The following RNF220 variants were observed in gnomAD, a reference collection of about 807,000 sequenced individuals.
The protein encoded by RNF220 is E3 ubiquitin-protein ligase RNF220.
RNF220 carries 7 observed loss-of-function variants against 67.1 expected under a neutral mutation model. The ratio of observed to expected loss-of-function variants is 0.10; its 90% CI spans 0.06 to 0.20. The LOEUF is 0.20. Ranked by LOEUF, RNF220 falls within the 10% of genes least tolerant of loss-of-function variation. The pLI is 1.00. For synonymous variants in RNF220, 270 were observed against 283.2 expected (o/e 0.95, Z 0.47); for missense variants, 565 against 740.3 (o/e 0.76, Z 2.75).
intron 8 of RNF220, among the ~76,000 whole-genome samples, chr1:44,640,440 C>A (rs1054769001): frequency 3.3e-5 from 5 of 152,206 alleles, no homozygotes; most frequent in Admixed American, 3.3e-4. Context: ...GAGCAAGGCA[C>A]CTTCTGTCCC....
intron 2 of RNF220, among the ~76,000 whole-genome samples, chr1:44,484,380 C>T (rs765409632): frequency 1.3e-5 from 2 of 152,084 alleles, no homozygotes; most frequent in African/African-American, 2.4e-5. Flanking sequence ...GGAATGCAGT[C>T]GAGCTGTGTG....
intron 2 of RNF220, among the ~76,000 whole-genome samples, chr1:44,571,630 G>C (rs116799085): frequency 6.6e-6 from 1 of 152,306 alleles, no homozygotes; most frequent in Non-Finnish European, 1.5e-5. Flanking sequence ...TGTTCTATCA[G>C]GGTGATCTCA....
At chr1:44,504,590 G>A (rs4316395) in intron 2 of RNF220, among the ~76,000 whole-genome samples, 2 of 152,086 alleles carry the variant, frequency 1.3e-5, no homozygotes, top group African/African-American at 4.8e-5. Context: ...GGGTGGGCGG[G>A]TATAATGAAA....
intron 2 of RNF220, among the ~76,000 whole-genome samples, chr1:44,431,975 T>C (rs1197284924): frequency 6.6e-6 from 1 of 152,258 alleles, no homozygotes; most frequent in Non-Finnish European, 1.5e-5. Context: ...CTGCTCCCAG[T>C]TGGCCCTGGC....
intron 2 of RNF220, among the ~76,000 whole-genome samples, chr1:44,610,594 G>A (rs1482168108): frequency 6.6e-6 from 1 of 152,200 alleles, no homozygotes; most frequent in Admixed American, 6.5e-5. Flanking sequence ...GCTTTTGGGG[G>A]TTGGGGAGTG....
intron 5 of RNF220, 75 bp from the exon 6 acceptor site, chr1:44,632,268 G>A: frequency 6.2e-7 from 1 of 1,613,818 alleles, no homozygotes; most frequent in Non-Finnish European, 8.5e-7. Flanking sequence ...CCGGTGCTGG[G>A]GCGGGGGCCA....
chr1:44,524,262 C>G (rs1365977058), intron 2 of RNF220, among the ~76,000 whole-genome samples: 2 of 152,144 alleles, frequency 1.3e-5, no homozygotes, highest in Non-Finnish European at 2.9e-5. Context: ...CCGCCACCGC[C>G]TCTGCTGGCC....
chr1:44,509,130 G>C (rs925648459), intron 2 of RNF220, among the ~76,000 whole-genome samples: 1 of 152,116 alleles, frequency 6.6e-6, no homozygotes, highest in Non-Finnish European at 1.5e-5. Flanking sequence ...TCCCATTTAC[G>C]GGTGTGAAAA....
intron 2 of RNF220, among the ~76,000 whole-genome samples, chr1:44,485,760 G>A (rs999328390): frequency 6.6e-6 from 1 of 152,198 alleles, no homozygotes; most frequent in Non-Finnish European, 1.5e-5. Flanking sequence ...GTGAGCGACA[G>A]GTTTAGGGCC....
chr1:44,579,923 G>A (rs1665110117), intron 2 of RNF220, among the ~76,000 whole-genome samples: 1 of 151,144 alleles, frequency 6.6e-6, no homozygotes, highest in South Asian at 2.1e-4. Flanking sequence ...CCCAGCTACT[G>A]GGAGGCTAAG....
In RNF220 at chr1:44,565,074, C is replaced by T. The variant is rs1663893956; in HGVS notation, c.626-49091C>T. 6.6e-6 allele frequency among the ~76,000 whole-genome samples: 1 copy of T among 152,182 alleles called. No homozygotes were observed. On this transcript the variant is annotated intron_variant, in intron 2 of 14. Transcript: ENST00000361799. This position sits in a 1 kb window ranked among gnomAD's most constrained non-coding sequence, Gnocchi z 4.2. ...TGGCCTGAATCAACTCCATCCCCTG[C>T]GCATAGCATGGGCCTGGCCTTAGGA... is the stretch of plus-strand genomic sequence containing the variant.
At chr1:44,633,485 A>G (rs906485646) in intron 6 of RNF220, among the ~76,000 whole-genome samples, 2 of 152,194 alleles carry the variant, frequency 1.3e-5, no homozygotes, top group Non-Finnish European at 2.9e-5. Context: ...TGGTAAGCTT[A>G]ATTCAGGATT....
intron 5 of RNF220, 199 bp from the exon 6 acceptor site, chr1:44,632,144 G>A: frequency 3.9e-6 from 6 of 1,537,528 alleles, no homozygotes; most frequent in Non-Finnish European, 5.3e-6. Context: ...TTAGAGCAGC[G>A]CCCGGCGGCT....
At chr1:44,573,609 T>G (rs1284167128) in intron 2 of RNF220, among the ~76,000 whole-genome samples, 2 of 152,202 alleles carry the variant, frequency 1.3e-5, no homozygotes, top group Non-Finnish European at 2.9e-5. Context: ...CACTGACAGT[T>G]GGATATAGGG....
rs886634475 is a variant in RNF220, at chr1:44,600,198, T to C, written c.626-13967T>C. ...GAGGGCAGGTCTAGAGGAAGGTAAG[T>C]CCCATCTCAGACATGTTGAGCTTAA... On this transcript the variant is annotated intron_variant, in intron 2 of 14. Transcript: ENST00000361799. This position sits in a 1 kb window ranked among gnomAD's most constrained non-coding sequence, Gnocchi z 4.0. 1.3e-5 allele frequency among the ~76,000 whole-genome samples: 2 copies of C among 152,070 alleles called. No individual in the cohort carries two copies. Among genetic ancestry groups the C allele is most frequent in the Admixed American group, 1.3e-4 (2 of 15,268 alleles).
chr1:44,618,668 C>T (rs952860586), intron 3 of RNF220, among the ~76,000 whole-genome samples: 1 of 152,078 alleles, frequency 6.6e-6, no homozygotes, highest in Non-Finnish European at 1.5e-5. Context: ...CATTCATGAG[C>T]CAGGGTGAAG....
rs1175239087 is a variant in RNF220, at chr1:44,649,593, G to A, written c.1446-68G>A. ...ATGTATTTGGTTCTGGAATTCAAGGGAGGCGTAGGCTGGAGGTACAGATGA... is the reference window on the plus strand; with the variant it reads ...ATGTATTTGGTTCTGGAATTCAAGGAAGGCGTAGGCTGGAGGTACAGATGA... On this transcript the variant is annotated intron_variant, in intron 12 of 14. Transcript: ENST00000361799. This position sits in a 1 kb window ranked among gnomAD's most constrained non-coding sequence, Gnocchi z 5.9. The A allele has an allele frequency of 7.1e-7, 1 of 1,410,396 alleles. No homozygotes were observed. The highest frequency in any genetic ancestry group is 2.3e-5 in the East Asian group (1 of 43,828). 87.4% of individuals were successfully genotyped at this position (1,410,396 alleles called of 1,614,324 possible). A position where few individuals can be genotyped will look rare whatever the true frequency, so the allele number is the denominator to read the frequency against.
intron 2 of RNF220, among the ~76,000 whole-genome samples, chr1:44,602,265 G>A (rs760266382): frequency 9.2e-5 from 14 of 152,078 alleles, no homozygotes; most frequent in Non-Finnish European, 2.1e-4. Context: ...GACAAGGTGG[G>A]CTGTAGCATG....
At chr1:44,592,330 C>T (rs1207453829) in intron 2 of RNF220, among the ~76,000 whole-genome samples, 7 of 152,230 alleles carry the variant, frequency 4.6e-5, no homozygotes, top group East Asian at 1.9e-4. Flanking sequence ...AGGCCCATTG[C>T]GCAGCTGGTA....
Sources: gnomAD v4.1 joint callset for allele counts (sites outside exome capture counted in the v4.1 genomes callset) on GRCh38, gnomAD v4.1.1 for gene constraint, Gnocchi (gnomAD v3.1) non-coding constraint, MANE v1.5 for transcripts, NCBI Gene and HGNC (gene_info 2026-07-23, HGNC 2026-07-21) for gene names.